Variants in PDZRN3 observed in about 807,000 individuals in gnomAD.
The protein encoded by PDZRN3 is PDZ domain containing ring finger 3.
A neutral mutation model predicts 85.7 loss-of-function variants in PDZRN3; 38 were observed. That is an observed-to-expected ratio of 0.44 (90% confidence interval 0.34 to 0.58). The LOEUF (loss-of-function observed/expected upper bound fraction) is 0.58. Among genes scored for constraint, PDZRN3 ranks in the 20% least tolerant of loss-of-function variants. The probability of loss-of-function intolerance (pLI) is 0.01; values close to 1 mark genes in which losing one functional copy is unlikely to be tolerated. For synonymous variants in PDZRN3, 759 were observed against 638.0 expected, an observed-to-expected ratio of 1.19 and a Z score of -2.86; for missense variants, 1,629 against 1,506.4, an observed-to-expected ratio of 1.08 and a Z score of -1.35.
intron 9 of PDZRN3, among the ~76,000 whole-genome samples, chr3:73,385,136 C>A (rs1169552059): frequency 6.6e-6 from 1 of 152,208 alleles, no homozygotes; most frequent in East Asian, 1.9e-4. Flanking sequence ...TATTCTTGTT[C>A]TTGTCCTCAG....
At chr3:73,417,696 C>A (rs1046715823) in intron 3 of PDZRN3, among the ~76,000 whole-genome samples, 2 of 152,190 alleles carry the variant, frequency 1.3e-5, no homozygotes, top group Non-Finnish European at 1.5e-5. Flanking sequence ...GAATATTCCA[C>A]TGAAGAGTGC....
intron 1 of PDZRN3, among the ~76,000 whole-genome samples, chr3:73,622,577 G>A (rs1702884815): frequency 6.6e-6 from 1 of 152,128 alleles, no homozygotes; most frequent in Admixed American, 6.5e-5. Flanking sequence ...GACAATATTT[G>A]GATTGTCACG....
chr3:73,571,761 T>C (rs1002084111), intron 3 of PDZRN3, among the ~76,000 whole-genome samples: 2 of 151,840 alleles, frequency 1.3e-5, no homozygotes, highest in African/African-American at 2.4e-5. Context: ...GCTCCAAGAG[T>C]TGACCTCTAA....
At chr3:73,541,098 T>C (rs553999713) in intron 3 of PDZRN3, among the ~76,000 whole-genome samples, 1 of 152,298 alleles carries the variant, frequency 6.6e-6, no homozygotes, top group African/African-American at 2.4e-5. Flanking sequence ...ATAAAAAATT[T>C]TGAATTGAAT....
intron 3 of PDZRN3, among the ~76,000 whole-genome samples, chr3:73,467,560 C>G (rs923830866): frequency 1.3e-5 from 2 of 152,136 alleles, no homozygotes; most frequent in African/African-American, 4.8e-5. Context: ...GAGGGTTTGG[C>G]TTTATCAAAT....
chr3:73,469,706 G>GT (rs1010921429), intron 3 of PDZRN3, among the ~76,000 whole-genome samples: 38 of 151,170 alleles, frequency 2.5e-4, no homozygotes, highest in African/African-American at 7.5e-4. Context: ...AGCTGATGGG[G>GT]TTTTTTTTTC....
At chr3:73,604,582 C>T (rs551585717) in intron 2 of PDZRN3, among the ~76,000 whole-genome samples, 1 of 152,120 alleles carries the variant, frequency 6.6e-6, no homozygotes, top group South Asian at 2.1e-4. Context: ...ACATTTCAGG[C>T]TATGGAATAT....
intron 3 of PDZRN3, among the ~76,000 whole-genome samples, chr3:73,561,295 A>T (rs1175269357): frequency 1.3e-5 from 2 of 152,206 alleles, no homozygotes; most frequent in Non-Finnish European, 2.9e-5. Context: ...CCTTTCAACC[A>T]TTAGGGCTCA....
intron 3 of PDZRN3, among the ~76,000 whole-genome samples, chr3:73,406,553 A>G (rs1194314695): frequency 1.3e-5 from 2 of 152,198 alleles, no homozygotes; most frequent in Admixed American, 6.5e-5. Flanking sequence ...GCTGTGGTCA[A>G]TACCACCCAG....
chr3:73,563,928 A>T (rs1009380664), intron 3 of PDZRN3, among the ~76,000 whole-genome samples: 6 of 152,318 alleles, frequency 3.9e-5, no homozygotes, highest in Admixed American at 3.9e-4. Flanking sequence ...CATAACCACA[A>T]GGTAACCTCT....
intron 3 of PDZRN3, among the ~76,000 whole-genome samples, chr3:73,472,654 G>C (rs1041970055): frequency 2.6e-5 from 4 of 152,180 alleles, no homozygotes; most frequent in African/African-American, 9.7e-5. Context: ...GGCATTTGGG[G>C]AAAGTTGCTA....
Position 73,383,250 on chromosome 3 carries a change from A to C in PDZRN3, c.*115T>G. 1 of 1,005,454 alleles carries C rather than the reference A, an allele frequency of 9.9e-7. No individual in the cohort carries two copies. Among genetic ancestry groups the C allele is most frequent in the Non-Finnish European group, 1.5e-6 (1 of 676,860 alleles). The allele number at this position is 1,005,454 out of a possible 1,614,324, so 62.3% of individuals were successfully genotyped here. On this transcript the variant is annotated 3_prime_UTR_variant, in exon 10 of 10. Transcript: ENST00000263666. Reference sequence around the variant, plus strand: ...GTTGTAGGGTTTGCAAATTTGGACTATAAACATGAAGACCGTACTTATCTT... The same window carrying C: ...GTTGTAGGGTTTGCAAATTTGGACTCTAAACATGAAGACCGTACTTATCTT...
intron 5 of PDZRN3, among the ~76,000 whole-genome samples, chr3:73,399,695 T>G (rs1289051551): frequency 6.6e-6 from 1 of 152,112 alleles, no homozygotes; most frequent in African/African-American, 2.4e-5. Context: ...TGGCAAGCGC[T>G]TTGGTAAGTG....
rs1363999868 is a variant in PDZRN3, at chr3:73,420,777, C to A, written c.919-16382G>T. ...TCAACCCCTAGATTGGCCTATTAGA[C>A]AATAGAGTCATCTCCCCATATCCAT... On this transcript the variant is annotated intron_variant, in intron 3 of 9. Transcript: ENST00000263666. 2.0e-5 allele frequency among the ~76,000 whole-genome samples: 3 copies of A among 152,264 alleles called. No homozygotes were observed. In the East Asian group the frequency reaches 5.8e-4, roughly 29 times the overall value.
At chr3:73,413,683 A>G (rs1329783261) in intron 3 of PDZRN3, among the ~76,000 whole-genome samples, 1 of 152,098 alleles carries the variant, frequency 6.6e-6, no homozygotes, top group African/African-American at 2.4e-5. Context: ...AAGGAGGCCG[A>G]GGTGTTCACC....
chr3:73,478,373 T>C (rs1457043906), intron 3 of PDZRN3, among the ~76,000 whole-genome samples: 1 of 152,130 alleles, frequency 6.6e-6, no homozygotes, highest in Non-Finnish European at 1.5e-5. Flanking sequence ...TACTGCAAAC[T>C]CTGCTTAAGA....
At position 73,491,942 on chromosome 3, in the gene PDZRN3, CAG is replaced by C. The variant is rs544589378; in HGVS notation, c.919-87549_919-87548del. Among the ~76,000 whole-genome samples, 867 of 152,160 alleles carry C rather than the reference CAG, an allele frequency of 5.7e-3. 6 individuals are homozygous for C. Among genetic ancestry groups the C allele is most frequent in the Non-Finnish European group, 6.4e-3 (435 of 68,020 alleles). On this transcript the variant is annotated intron_variant, in intron 3 of 9. Transcript: ENST00000263666. ...CCAGAGGTGCAGGGTTCACACGTCT[CAG>C]GGTACTCCAAGGCTCTAGCAAGAAA... is the stretch of plus-strand genomic sequence containing the variant.
chr3:73,578,940 C>T (rs1702161150), intron 3 of PDZRN3, among the ~76,000 whole-genome samples: 1 of 152,164 alleles, frequency 6.6e-6, no homozygotes, highest in African/African-American at 2.4e-5. Flanking sequence ...TCCCTACTCC[C>T]TAGACTTTTA....
chr3:73,515,044 C>T (rs759861024), intron 3 of PDZRN3, among the ~76,000 whole-genome samples: 16 of 152,108 alleles, frequency 1.1e-4, no homozygotes, highest in Non-Finnish European at 1.5e-4. Context: ...AACCACTCCA[C>T]CCCAGTACTT....
Sources: allele counts gnomAD v4.1 joint callset (sites outside exome capture counted in the v4.1 genomes callset), GRCh38; gene constraint gnomAD v4.1.1; transcripts MANE v1.5; gene names NCBI Gene and HGNC (gene_info 2026-07-23, HGNC 2026-07-21).